The following MICU1 variants were observed in gnomAD, a reference collection of about 807,000 sequenced individuals.
The protein encoded by MICU1 is mitochondrial calcium uptake 1, also known as calcium uptake protein 1, mitochondrial.
MICU1 carries 45 observed loss-of-function variants against 56.8 expected under a neutral mutation model. The observed-to-expected ratio is 0.79, with a 90% confidence interval of 0.62 to 1.02. The LOEUF is 1.02. MICU1 is among the 50% of genes least tolerant of loss of function. MICU1 has a pLI of 0.00. For synonymous variants in MICU1, 186 were observed against 195.1 expected, an observed-to-expected ratio of 0.95 and a Z score of 0.39; for missense variants, 504 against 587.1, an observed-to-expected ratio of 0.86 and a Z score of 1.46.
At chr10:72,480,402 T>G (rs1415843908) in intron 6 of MICU1, among the ~76,000 whole-genome samples, 3 of 152,120 alleles carry the variant, frequency 2.0e-5, no homozygotes, top group Non-Finnish European at 4.4e-5. Context: ...CAGGAGACAG[T>G]TGGAAATATG....
At chr10:72,438,383 G>A (rs1864805837) in intron 8 of MICU1, among the ~76,000 whole-genome samples, 1 of 152,118 alleles carries the variant, frequency 6.6e-6, no homozygotes, top group Admixed American at 6.6e-5. Flanking sequence ...AGAATCTCTG[G>A]GACACATTTA....
intron 8 of MICU1, among the ~76,000 whole-genome samples, chr10:72,425,158 T>C (rs1292106780): frequency 6.6e-6 from 1 of 152,234 alleles, no homozygotes; most frequent in South Asian, 2.1e-4. Flanking sequence ...AGTTCACCTA[T>C]GGGCTTCTTC....
chr10:72,459,303 C>T (rs911527578), intron 8 of MICU1, among the ~76,000 whole-genome samples: 34 of 152,150 alleles, frequency 2.2e-4, no homozygotes, highest in African/African-American at 8.2e-4. Flanking sequence ...TGCACTCCAG[C>T]CTGGGCGGCA....
Position 72,437,611 on chromosome 10 carries a change from TAA to T in MICU1, c.934-14242_934-14241del, listed in dbSNP as rs572063507. 2.8e-3 allele frequency among the ~76,000 whole-genome samples: 426 copies of T among 152,212 alleles called. 3 individuals are homozygous for T. Among genetic ancestry groups the T allele is most frequent in the African/African-American group, 9.7e-3 (402 of 41,524 alleles). On this transcript the variant is annotated intron_variant, in intron 8 of 11. Transcript: ENST00000361114. ...TTAAAAGACAGACTGGCAAATTGGATAAAGAGTCAAGACGCACCAGTGTGCTG... is the reference window on the plus strand; with the variant it reads ...TTAAAAGACAGACTGGCAAATTGGATAGAGTCAAGACGCACCAGTGTGCTG...
chr10:72,454,652 G>A (rs1358336812), intron 8 of MICU1, among the ~76,000 whole-genome samples: 2 of 150,934 alleles, frequency 1.3e-5, no homozygotes, highest in South Asian at 2.1e-4. Context: ...GCGTGGTGGT[G>A]TGCCCCTGTA....
chr10:72,415,355 T>C (rs1344841271), intron 9 of MICU1, among the ~76,000 whole-genome samples: 1 of 152,146 alleles, frequency 6.6e-6, no homozygotes, highest in Non-Finnish European at 1.5e-5. Context: ...TTAATATTTT[T>C]ATACCAGGTA....
intron 8 of MICU1, among the ~76,000 whole-genome samples, chr10:72,426,019 A>C (rs1341827603): frequency 6.6e-6 from 1 of 151,786 alleles, no homozygotes; most frequent in African/African-American, 2.4e-5. Flanking sequence ...AAAATCCAAA[A>C]CTTTTTTTGT....
intron 8 of MICU1, among the ~76,000 whole-genome samples, chr10:72,427,697 C>G (rs1169051023): frequency 6.7e-6 from 1 of 148,684 alleles, no homozygotes; most frequent in East Asian, 2.1e-4. Context: ...CCCAGGAGTT[C>G]AAGACCAGCT....
Position 72,393,711 on chromosome 10 carries a change from T to G in MICU1, c.1180+14218A>C, listed in dbSNP as rs1328779403. ...TCTGGAGGTAAACTCAAGGATTTAT[T>G]GAAGAAGTAAATATGTGAGTGAGAC... On this transcript the variant is annotated intron_variant, in intron 10 of 11. Coordinates refer to ENST00000361114, the MANE Select transcript of MICU1 (RefSeq NM_001195518.2). 3.9e-5 allele frequency among the ~76,000 whole-genome samples: 6 copies of G among 152,130 alleles called. No individual in the cohort carries two copies. The East Asian group carries it at 1.2e-3, about 29-fold the overall frequency.
Position 72,549,134 on chromosome 10 carries a change from A to G in MICU1, c.493+2045T>C, listed in dbSNP as rs181850160. Among the ~76,000 whole-genome samples the G allele has an allele frequency of 2.9e-3, 442 of 151,576 alleles. 3 individuals are homozygous for G. The highest frequency in any genetic ancestry group is 0.01 in the African/African-American group (416 of 41,336). On this transcript the variant is annotated intron_variant, in intron 4 of 11. Transcript: ENST00000361114. ...ACGAACTTTCTGGTTAGAAAATGAC[A>G]TAAATGTTTTTGGTTCCCTAAGCTC... is the stretch of plus-strand genomic sequence containing the variant.
At chr10:72,423,930 T>A (rs1412835311) in intron 8 of MICU1, among the ~76,000 whole-genome samples, 1 of 152,226 alleles carries the variant, frequency 6.6e-6, no homozygotes, top group Non-Finnish European at 1.5e-5. Context: ...GACTTACATA[T>A]GAGACACGAA....
intron 1 of MICU1, among the ~76,000 whole-genome samples, chr10:72,595,977 ATTTTTT>A (rs71021513): frequency 1.4e-5 from 2 of 146,860 alleles, no homozygotes; most frequent in African/African-American, 5.1e-5. Flanking sequence ...CAATAAAAAA[ATTTTTT>A]TCTTTTTTTT....
Position 72,475,315 on chromosome 10 carries a change from C to T in MICU1, c.736-18G>A, listed in dbSNP as rs1254564070. The stretch of plus-strand genomic sequence containing the variant: ...CTCTGAACCTAATACAGAATCAAAC[C>T]CACATCCAGAAAAATATTAGGAAGT... On this transcript the variant is annotated intron_variant, in intron 7 of 11. Coordinates refer to ENST00000361114, the MANE Select transcript of MICU1 (RefSeq NM_001195518.2). 2.6e-6 allele frequency: 4 copies of T among 1,559,956 alleles called. No individual in the cohort carries two copies. Among genetic ancestry groups the T allele is most frequent in the Non-Finnish European group, 2.6e-6 (3 of 1,150,790 alleles).
At chr10:72,493,548 G>C (rs1056323613) in intron 6 of MICU1, among the ~76,000 whole-genome samples, 1 of 152,110 alleles carries the variant, frequency 6.6e-6, no homozygotes, top group African/African-American at 2.4e-5. Context: ...GACCTGCTGG[G>C]CTCAGGTGAT....
At position 72,368,370 on chromosome 10, in the gene MICU1, A is replaced by G; in HGVS notation, c.1271-15T>C. On this transcript the variant is annotated splice_polypyrimidine_tract_variant and intron_variant, in intron 11 of 11. Transcript: ENST00000361114. The stretch of plus-strand genomic sequence containing the variant: ...TTCGCCATTGCCTAGAGGAAGAGGC[A>G]AAAACAACAGGGATAAGTGTTGGCC... 6.2e-7 allele frequency: 1 copy of G among 1,610,068 alleles called. No individual in the cohort carries two copies. Among genetic ancestry groups the G allele is most frequent in the Non-Finnish European group, 8.5e-7 (1 of 1,176,796 alleles).
At position 72,412,475 on chromosome 10, in the gene MICU1, A is replaced by T. The variant is rs555063098; in HGVS notation, c.1072-4438T>A. ...TAAGATTAATGATAGTTTGTAGACA[A>T]TAGTGATTATTTCTTTAGGATGCTG... On this transcript the variant is annotated intron_variant, in intron 9 of 11. Coordinates refer to ENST00000361114, the MANE Select transcript of MICU1 (RefSeq NM_001195518.2). Among the ~76,000 whole-genome samples, 21 of 152,376 alleles carry T rather than the reference A, an allele frequency of 1.4e-4. No homozygotes were observed. The East Asian group carries it at 3.9e-3, about 28-fold the overall frequency.
intron 4 of MICU1, among the ~76,000 whole-genome samples, chr10:72,548,703 C>T (rs1272786623): frequency 6.6e-6 from 1 of 152,160 alleles, no homozygotes; most frequent in East Asian, 1.9e-4. Flanking sequence ...TTCTATCTCT[C>T]TCTCTCTTTC....
At chr10:72,461,001 G>C (rs1865623007) in intron 8 of MICU1, among the ~76,000 whole-genome samples, 1 of 152,034 alleles carries the variant, frequency 6.6e-6, no homozygotes, top group South Asian at 2.1e-4. Context: ...GACCTACTCA[G>C]ACACCGTGGA....
chr10:72,483,147 C>A (rs960262167), intron 6 of MICU1: 1 of 152,290 alleles, frequency 6.6e-6, no homozygotes, highest in Admixed American at 6.5e-5. Context: ...TGAACCACCA[C>A]GCCTGGCCCC....
Sources: allele counts gnomAD v4.1 joint callset (sites outside exome capture counted in the v4.1 genomes callset), GRCh38; gene constraint gnomAD v4.1.1; transcripts MANE v1.5; gene names NCBI Gene and HGNC (gene_info 2026-07-23, HGNC 2026-07-21).